MAP2K5: variants seen among roughly 807,000 people sequenced by gnomAD.
The protein encoded by MAP2K5 is dual specificity mitogen-activated protein kinase kinase 5.
A neutral mutation model predicts 83.1 loss-of-function variants in MAP2K5; 49 were observed. The observed-to-expected ratio is 0.59, with a 90% CI of 0.47 to 0.75. MAP2K5 has a LOEUF of 0.75. Ranked by LOEUF, MAP2K5 falls within the 30% of genes least tolerant of loss-of-function variation. The pLI, the probability that MAP2K5 is intolerant of heterozygous loss-of-function variation, is 0.00. For synonymous variants in MAP2K5, 202 were observed against 191.8 expected, an observed-to-expected ratio of 1.05 and a Z score of -0.44; for missense variants, 457 against 557.5, an observed-to-expected ratio of 0.82 and a Z score of 1.82.
rs148783976 is a variant in MAP2K5 at position 67,668,349 on chromosome 15, G to A, written c.847+3704G>A. ...AACCAAACGTGTGATAATTCCACAT[G>A]AGGACATAATCATTAAAAATGTTTG... On this transcript the variant is annotated intron_variant, in intron 13 of 21. Coordinates refer to ENST00000178640, the MANE Select transcript of MAP2K5 (RefSeq NM_145160.3). The surrounding 1 kb of genome is among the most constrained non-coding windows in gnomAD (Gnocchi z 4.0). Among the ~76,000 whole-genome samples, 57 of 152,030 alleles carry A rather than the reference G, an allele frequency of 3.7e-4. 1 individual carries two copies. The highest frequency in any genetic ancestry group is 7.9e-4 in the Non-Finnish European group (54 of 67,994).
chr15:67,748,508 C>A lies in MAP2K5; in HGVS notation c.1102-61C>A. On this transcript the variant is annotated intron_variant, in intron 18 of 21. Transcript: ENST00000178640. This position sits in a 1 kb window ranked among gnomAD's most constrained non-coding sequence, Gnocchi z 4.0. ...TTGCATTAATGATTTTTTCTTTCCA[C>A]TCCACTGTAAAGATATTGCATAGAG... is the stretch of plus-strand genomic sequence containing the variant. The A allele has an allele frequency of 7.0e-7, 1 of 1,430,542 alleles. No homozygotes were observed. Among genetic ancestry groups the A allele is most frequent in the Non-Finnish European group, 9.8e-7 (1 of 1,025,068 alleles). The allele number at this position is 1,430,542 out of a possible 1,614,324, so 88.6% of individuals were successfully genotyped here.
At chr15:67,796,455 T>A (rs1465993519) in intron 21 of MAP2K5, among the ~76,000 whole-genome samples, 1 of 152,152 alleles carries the variant, frequency 6.6e-6, no homozygotes, top group East Asian at 1.9e-4. Context: ...GCACATCACA[T>A]GGCAAAAATA....
intron 8 of MAP2K5, among the ~76,000 whole-genome samples, chr15:67,604,848 T>C (rs984357961): frequency 6.6e-6 from 1 of 151,552 alleles, no homozygotes; most frequent in African/African-American, 2.4e-5. Flanking sequence ...TGAGCCGAGA[T>C]TGTGGCACTG....
chr15:67,558,735 G>A (rs1596556602), intron 2 of MAP2K5, among the ~76,000 whole-genome samples: 1 of 152,282 alleles, frequency 6.6e-6, no homozygotes, highest in South Asian at 2.1e-4. Flanking sequence ...CTCTGACCCA[G>A]GGCCTTTGTA....
chr15:67,595,347 A>G (rs1251493269), intron 7 of MAP2K5, among the ~76,000 whole-genome samples: 1 of 152,240 alleles, frequency 6.6e-6, no homozygotes, highest in African/African-American at 2.4e-5. Flanking sequence ...TCTCTGCTCT[A>G]TAAAGTGGGA....
chr15:67,779,501 ATGTG>A lies in MAP2K5; in HGVS notation c.1242+6755_1242+6758del, dbSNP rs1298945906. 6.6e-6 allele frequency among the ~76,000 whole-genome samples: 1 copy of A among 152,250 alleles called. No homozygotes were observed. Among genetic ancestry groups the A allele is most frequent in the Non-Finnish European group, 1.5e-5 (1 of 68,052 alleles). ...TTTCACAAGACTTTAGCAGATAAAT[ATGTG>A]TGTGTATGTATATGTCTTTATATGC... is the stretch of plus-strand genomic sequence containing the variant. On this transcript the variant is annotated intron_variant, in intron 21 of 21. Coordinates refer to ENST00000178640, the MANE Select transcript of MAP2K5 (RefSeq NM_145160.3). This position sits in a 1 kb window ranked among gnomAD's most constrained non-coding sequence, Gnocchi z 4.6.
rs538965485 is a variant in MAP2K5 at position 67,750,848 on chromosome 15, G to C, written c.1134+2247G>C. Among the ~76,000 whole-genome samples, 2 of 152,026 alleles carry C rather than the reference G, an allele frequency of 1.3e-5. No homozygotes were observed. Among genetic ancestry groups the C allele is most frequent in the South Asian group, 2.1e-4 (1 of 4,830 alleles). ...ACTGCTTGGGAGTGGGATTTACCCC[G>C]TTGTGAAGTGGGTATCTGTTGCTAG... On this transcript the variant is annotated intron_variant, in intron 19 of 21. Transcript: ENST00000178640. The surrounding 1 kb of genome is among the most constrained non-coding windows in gnomAD (Gnocchi z 4.2).
chr15:67,586,883 C>T lies in MAP2K5; in HGVS notation c.401C>T (p.Pro134Leu), dbSNP rs373597404. ...TRAGPSQHSS[P>L]AVSDSLPSNS... ...GCCGGACCCTCTCAACACAGCAGCC[C>T]AGCAGTCTCAGATTCACTTCCAAGC... is the stretch of plus-strand genomic sequence containing the variant. The change falls in exon 6 of 22, where the codon CCA becomes CTA. Residue 134 changes from proline (P) to leucine (L), a missense_variant. Pro to Leu is a moderately conservative substitution (Grantham distance 98). Coordinates refer to ENST00000178640, the MANE Select transcript of MAP2K5 (RefSeq NM_145160.3). 1.2e-6 allele frequency: 2 copies of T among 1,614,016 alleles called. No homozygotes were observed. The highest frequency in any genetic ancestry group is 1.3e-5 in the African/African-American group (1 of 74,890).
At chr15:67,593,795 C>T (rs934851539) in intron 7 of MAP2K5, among the ~76,000 whole-genome samples, 1 of 152,182 alleles carries the variant, frequency 6.6e-6, no homozygotes, top group African/African-American at 2.4e-5. Flanking sequence ...GTTCACTTCC[C>T]GTCCATGTTT....
intron 17 of MAP2K5, among the ~76,000 whole-genome samples, chr15:67,734,605 G>T (rs181456695): frequency 2.5e-3 from 382 of 152,106 alleles, no homozygotes; most frequent in African/African-American, 8.7e-3. Flanking sequence ...TTCTAATGTT[G>T]ATTGTTTACT....
In MAP2K5 at chr15:67,690,887, A is replaced by G. The variant is rs1330153104; in HGVS notation, c.848-1592A>G. Among the ~76,000 whole-genome samples, 1 of 152,142 alleles carries G rather than the reference A, an allele frequency of 6.6e-6. No homozygotes were observed. The highest frequency in any genetic ancestry group is 6.5e-5 in the Admixed American group (1 of 15,268). ...AAAAAGCCATTAATCAGTGAGCAAG[A>G]TACTGTGCTTGGAAGGGATACATTT... On this transcript the variant is annotated intron_variant, in intron 13 of 21. Coordinates refer to ENST00000178640, the MANE Select transcript of MAP2K5 (RefSeq NM_145160.3). The surrounding 1 kb of genome is among the most constrained non-coding windows in gnomAD (Gnocchi z 4.3).
At chr15:67,628,429 A>C (rs1177545711) in intron 8 of MAP2K5, 1 of 554,998 alleles carries the variant, frequency 1.8e-6, no homozygotes, top group Non-Finnish European at 3.2e-6. Context: ...GTGGTGAGCC[A>C]AGATCGTGCC....
Position 67,736,160 on chromosome 15 carries a change from A to G in MAP2K5, c.1074+8215A>G, listed in dbSNP as rs2141257292. Among the ~76,000 whole-genome samples, 1 of 152,342 alleles carries G rather than the reference A, an allele frequency of 6.6e-6. No individual in the cohort carries two copies. The highest frequency in any genetic ancestry group is 2.4e-5 in the African/African-American group (1 of 41,582). On this transcript the variant is annotated intron_variant, in intron 17 of 21. Coordinates refer to ENST00000178640, the MANE Select transcript of MAP2K5 (RefSeq NM_145160.3). The surrounding 1 kb of genome is among the most constrained non-coding windows in gnomAD (Gnocchi z 4.3). ...TGGTAGAGGAGGGAGGTAATGTGTC[A>G]GGATGGAGATGGCAAGTGTAGCAGG...
chr15:67,576,917 C>T (rs1240832001), intron 3 of MAP2K5, among the ~76,000 whole-genome samples: 2 of 137,854 alleles, frequency 1.5e-5, no homozygotes, highest in Admixed American at 7.2e-5. Flanking sequence ...TCACAGTAAC[C>T]CTATATATAT....
In MAP2K5 at chr15:67,590,446, C is replaced by CTCTCTCTCTCTCTCTCT. The variant is rs1555529574; in HGVS notation, c.432-2480_432-2479insTCTCTCTCTCTCTCTCT. Among the ~76,000 whole-genome samples the CTCTCTCTCTCTCTCTCT allele has an allele frequency of 1.1e-3, 34 of 30,540 alleles. 1 individual carries two copies. The highest frequency in any genetic ancestry group is 1.2e-3 in the African/African-American group (10 of 8,526). 20.0% of individuals were successfully genotyped at this position (30,540 alleles called of 152,430 possible). A position where few individuals can be genotyped will look rare whatever the true frequency, so the allele number is the denominator to read the frequency against. On this transcript the variant is annotated intron_variant, in intron 6 of 21. Transcript: ENST00000178640. ...CCCTCCCTCTCTCTCTCCCTCCCTC[C>CTCTCTCTCTCTCTCTCT]CTCTCTCTCTCTCTCTCTCTCTCTC...
chr15:67,626,572 A>C (rs1169274413), intron 8 of MAP2K5, among the ~76,000 whole-genome samples: 6 of 152,108 alleles, frequency 3.9e-5, no homozygotes, highest in Admixed American at 3.3e-4. Flanking sequence ...ATAGGGTTCC[A>C]CTTATAAAAT....
chr15:67,567,585 C>T (rs11856740), intron 3 of MAP2K5, among the ~76,000 whole-genome samples: 50,700 of 151,546 alleles, frequency 0.33, 9,422 homozygotes, highest in Non-Finnish European at 0.43. Flanking sequence ...GGGATGGTCT[C>T]GATCTCCTGA....
At chr15:67,707,292 C>T (rs1050648282) in intron 16 of MAP2K5, among the ~76,000 whole-genome samples, 3 of 152,212 alleles carry the variant, frequency 2.0e-5, no homozygotes, top group African/African-American at 7.2e-5. Context: ...AAAAGAAGTA[C>T]TTGAAGACCA....
At chr15:67,616,765 T>C (rs1195028077) in intron 8 of MAP2K5, among the ~76,000 whole-genome samples, 2 of 152,214 alleles carry the variant, frequency 1.3e-5, no homozygotes, top group East Asian at 3.8e-4. Flanking sequence ...CCATCTCTTT[T>C]TAATTACTGG....
Sources: gnomAD v4.1 joint callset for allele counts (sites outside exome capture counted in the v4.1 genomes callset) on GRCh38, gnomAD v4.1.1 for gene constraint, Gnocchi (gnomAD v3.1) non-coding constraint, MANE v1.5 for transcripts, NCBI Gene and HGNC (gene_info 2026-07-23, HGNC 2026-07-21) for gene names.